The following NRL variants were observed in gnomAD, a reference collection of about 807,000 sequenced individuals.
NRL encodes the protein neural retina leucine zipper.
In NRL, 16 loss-of-function variants were observed where a neutral mutation model predicts 12.5. The observed-to-expected ratio is 1.28, with a 90% CI of 0.87 to 1.95. The LOEUF is 1.95. NRL is among the 30% of genes most tolerant of loss of function. NRL has a pLI of 0.00. For synonymous variants in NRL, 142 were observed against 150.9 expected (o/e 0.94, Z 0.43); for missense variants, 314 against 325.8 (o/e 0.96, Z 0.28).
chr14:24,107,626 T>G (rs1288948851), intron 1 of NRL, among the ~76,000 whole-genome samples: 1 of 152,158 alleles, frequency 6.6e-6, no homozygotes, highest in Non-Finnish European at 1.5e-5. Flanking sequence ...TTAAAATTTT[T>G]TTCATATGTC....
chr14:24,082,325 T>C, intron 2 of NRL, 143 bp downstream of exon 2: 1 of 1,037,922 alleles, frequency 9.6e-7, no homozygotes, highest in South Asian at 1.4e-5. Flanking sequence ...TCGATCTGAT[T>C]GCTTTCAAGG....
At chr14:24,109,991 G>A (rs188996786) in intron 1 of NRL, among the ~76,000 whole-genome samples, 53 of 152,164 alleles carry the variant, frequency 3.5e-4, no homozygotes, top group African/African-American at 9.9e-4. Context: ...TTTTTTGTTC[G>A]TTTTTCTGGA....
chr14:24,097,700 TCTC>T (rs1204881358), intron 1 of NRL, among the ~76,000 whole-genome samples: 1 of 151,826 alleles, frequency 6.6e-6, no homozygotes, highest in East Asian at 1.9e-4. Context: ...CTCAAGCAAT[TCTC>T]CTGCCTCAGC....
chr14:24,094,012 T>C lies in NRL; in HGVS notation c.-27-11137A>G, dbSNP rs2036727347. 1.9e-6 allele frequency: 1 copy of C among 517,818 alleles called. No homozygotes were observed. The highest frequency in any genetic ancestry group is 2.8e-5 in the South Asian group (1 of 36,194). 32.1% of individuals were successfully genotyped at this position (517,818 alleles called of 1,614,324 possible). ...TAGCTTGTTTGCCACCTAGTGTCTCTCCCGGGAGCAAGAGTCCTCAAAGTT... is the reference window on the plus strand; with the variant it reads ...TAGCTTGTTTGCCACCTAGTGTCTCCCCCGGGAGCAAGAGTCCTCAAAGTT... On this transcript the variant is annotated intron_variant, in intron 1 of 2. Transcript: ENST00000561028. The surrounding 1 kb of genome is among the most constrained non-coding windows in gnomAD (Gnocchi z 4.1).
intron 1 of NRL, chr14:24,097,020 G>C (rs937039468): frequency 2.5e-6 from 4 of 1,612,396 alleles, no homozygotes; most frequent in Non-Finnish European, 3.4e-6. Flanking sequence ...CACAGTGCCC[G>C]CCTGTGCCAA....
chr14:24,097,313 G>A (rs942045995), intron 1 of NRL, among the ~76,000 whole-genome samples: 2 of 151,736 alleles, frequency 1.3e-5, no homozygotes, highest in African/African-American at 4.8e-5. Flanking sequence ...CACTTTGAGA[G>A]GCCAAGGCGG....
At chr14:24,097,277 G>C (rs544208719) in intron 1 of NRL, 1 of 796,108 alleles carries the variant, frequency 1.3e-6, no homozygotes, top group African/African-American at 1.7e-5. Flanking sequence ...CCAGAAACTG[G>C]GATTTGCTTA....
intron 1 of NRL, among the ~76,000 whole-genome samples, chr14:24,092,080 T>C (rs2036648187): frequency 6.6e-6 from 1 of 152,202 alleles, no homozygotes; most frequent in African/African-American, 2.4e-5. Context: ...CAGAATGAGA[T>C]TATGCATGCA....
Position 24,080,963 on chromosome 14 carries a change from C to A in NRL, c.*273G>T. On this transcript the variant is annotated 3_prime_UTR_variant, in exon 3 of 3. Coordinates refer to ENST00000561028, the MANE Select transcript of NRL (RefSeq NM_001354768.3). ...GTCACCACACTTCCACCCCCCAGTG[C>A]CTGGCACTGGTCCCTGCAGAGCTCA... is the stretch of plus-strand genomic sequence containing the variant. 2.9e-6 allele frequency: 1 copy of A among 348,242 alleles called. No homozygotes were observed. The allele number at this position is 348,242 out of a possible 1,614,324, so 21.6% of individuals were successfully genotyped here.
At chr14:24,098,395 G>C (rs1184211907) in intron 1 of NRL, 12 of 1,611,860 alleles carry the variant, frequency 7.4e-6, no homozygotes, top group Admixed American at 3.3e-5. Context: ...AGGGTAACCA[G>C]GGCAGGGGCA....
At chr14:24,104,040 G>C in intron 1 of NRL, 2 of 997,980 alleles carry the variant, frequency 2.0e-6, no homozygotes, top group Non-Finnish European at 3.1e-6. Flanking sequence ...GAAAATATGA[G>C]CAATTTGATA....
intron 1 of NRL, among the ~76,000 whole-genome samples, chr14:24,104,495 C>T (rs1037626609): frequency 2.6e-5 from 4 of 151,284 alleles, no homozygotes; most frequent in South Asian, 4.2e-4. Context: ...AAAAATTAAC[C>T]GGGAGTGGTG....
At chr14:24,104,648 A>AAAAAC (rs1555342686) in intron 1 of NRL, among the ~76,000 whole-genome samples, 1 of 147,982 alleles carries the variant, frequency 6.8e-6, no homozygotes, top group South Asian at 2.1e-4. Flanking sequence ...CACAAAAAAA[A>AAAAAC]AAAACAAAAC....
intron 1 of NRL, among the ~76,000 whole-genome samples, chr14:24,093,742 C>A (rs887208093): frequency 2.0e-5 from 3 of 151,974 alleles, no homozygotes; most frequent in African/African-American, 7.3e-5. Context: ...AGGAAGAGAC[C>A]CAGGGGTAGA....
At chr14:24,108,005 T>C (rs752062239) in intron 1 of NRL, among the ~76,000 whole-genome samples, 2 of 152,234 alleles carry the variant, frequency 1.3e-5, no homozygotes, top group African/African-American at 4.8e-5. Context: ...AAATTGACCT[T>C]ATTAAATGTT....
At chr14:24,082,962 G>T in intron 1 of NRL, 87 bp from the exon 2 acceptor site, 1 of 1,328,718 alleles carries the variant, frequency 7.5e-7, no homozygotes, top group Non-Finnish European at 1.0e-6. Flanking sequence ...AAGCCCAAGT[G>T]CCCTGGAGCA....
intron 1 of NRL, among the ~76,000 whole-genome samples, chr14:24,087,036 G>GA (rs1170260747): frequency 1.3e-5 from 2 of 152,228 alleles, no homozygotes; most frequent in Non-Finnish European, 2.9e-5. Flanking sequence ...ATCTAGGGAT[G>GA]AAAAAGATGA....
At chr14:24,104,120 AT>A in intron 1 of NRL, 1 of 617,308 alleles carries the variant, frequency 1.6e-6, no homozygotes, top group Non-Finnish European at 2.9e-6. Flanking sequence ...ATGCTTATCT[AT>A]TTTACACAAG....
At chr14:24,089,102 C>A (rs2036545706) in intron 1 of NRL, among the ~76,000 whole-genome samples, 1 of 151,764 alleles carries the variant, frequency 6.6e-6, no homozygotes, top group Non-Finnish European at 1.5e-5. Context: ...CTGCGCCTGG[C>A]CTAATTTTTG....
Sources: allele counts gnomAD v4.1 joint callset (sites outside exome capture counted in the v4.1 genomes callset), GRCh38; gene constraint gnomAD v4.1.1; non-coding constraint Gnocchi (gnomAD v3.1); transcripts MANE v1.5; gene names NCBI Gene and HGNC (gene_info 2026-07-23, HGNC 2026-07-21).